The following SCFD1 variants were observed in gnomAD, a reference collection of about 807,000 sequenced individuals.
The protein encoded by SCFD1 is sec1 family domain-containing protein 1.
Under a neutral mutation model 103.2 loss-of-function variants are expected in SCFD1, and 37 were observed. The observed-to-expected ratio is 0.36, with a 90% confidence interval of 0.28 to 0.47. SCFD1 has a LOEUF of 0.47. SCFD1 is among the 20% of genes least tolerant of loss of function. The pLI is 1.00. For synonymous variants in SCFD1, 264 were observed against 245.0 expected (o/e 1.08, Z -0.73); for missense variants, 639 against 761.2 (o/e 0.84, Z 1.89).
In SCFD1 at chr14:30,723,880, A is replaced by G. The variant is rs188620779; in HGVS notation, c.1836+1321A>G. Among the ~76,000 whole-genome samples the G allele has an allele frequency of 1.1e-3, 171 of 152,244 alleles. 1 individual carries two copies. Among genetic ancestry groups the G allele is most frequent in the Non-Finnish European group, 1.6e-3 (111 of 68,006 alleles). ...AACATACCTGTGCATGCATCTTTAT[A>G]ATAGAATGATTTATATTATTTGGGG... is the stretch of plus-strand genomic sequence containing the variant. On this transcript the variant is annotated intron_variant, in intron 23 of 24. Coordinates refer to ENST00000458591, the MANE Select transcript of SCFD1 (RefSeq NM_016106.4).
intron 16 of SCFD1, 141 bp downstream of exon 16, chr14:30,700,399 G>T: frequency 1.5e-6 from 1 of 649,134 alleles, no homozygotes; most frequent in East Asian, 2.7e-5. Context: ...ATGGCCAGGC[G>T]TGGTGACTCA....
At chr14:30,665,633 G>A (rs1338240948) in intron 10 of SCFD1, among the ~76,000 whole-genome samples, 2 of 152,150 alleles carry the variant, frequency 1.3e-5, no homozygotes, top group African/African-American at 4.8e-5. Flanking sequence ...TCAGTGTGCT[G>A]TATTCAGGAG....
intron 23 of SCFD1, among the ~76,000 whole-genome samples, chr14:30,724,072 T>TTAAA (rs764586666): frequency 1.1e-5 from 1 of 91,350 alleles, no homozygotes; most frequent in African/African-American, 5.1e-5. Flanking sequence ...ACCAGTATCT[T>TTAAA]AAAAAAAAAA....
intron 15 of SCFD1, among the ~76,000 whole-genome samples, chr14:30,698,182 G>A (rs75386021): frequency 0.037 from 5,561 of 152,270 alleles, 152 homozygotes; most frequent in East Asian, 0.15. Flanking sequence ...AGATTACTCA[G>A]TAAGGGAATT....
At position 30,675,076 on chromosome 14, in the gene SCFD1, C is replaced by G. The variant is rs757937607; in HGVS notation, c.1242+11C>G. 12 of 1,458,328 alleles carry G rather than the reference C, an allele frequency of 8.2e-6. No individual in the cohort carries two copies. Among genetic ancestry groups the G allele is most frequent in the South Asian group, 1.3e-5 (1 of 78,306 alleles). 90.3% of individuals were successfully genotyped at this position (1,458,328 alleles called of 1,614,324 possible). On this transcript the variant is annotated intron_variant, in intron 14 of 24. Coordinates refer to ENST00000458591, the MANE Select transcript of SCFD1 (RefSeq NM_016106.4). The stretch of plus-strand genomic sequence containing the variant: ...TTAGAACATATAAAGGTAAATTTAA[C>G]TTTTTCCCCCCCACAATATGACTTG...
chr14:30,637,415 C>G (rs1476480183), intron 4 of SCFD1, among the ~76,000 whole-genome samples: 3 of 152,074 alleles, frequency 2.0e-5, no homozygotes, highest in Non-Finnish European at 4.4e-5. Context: ...CTACCCTGAT[C>G]ACCTTCCTCA....
rs571920644 is a variant in SCFD1, at chr14:30,730,429, G to A, written c.1837-4361G>A. ...TCTAGTTCTACATCCTTGAGGAATC[G>A]CCACACTGTCTTCCCCAATGGTTGA... On this transcript the variant is annotated intron_variant, in intron 23 of 24. Transcript: ENST00000458591. Among the ~76,000 whole-genome samples, 8 of 152,240 alleles carry A rather than the reference G, an allele frequency of 5.3e-5. No homozygotes were observed. The South Asian group carries it at 6.2e-4, about 12-fold the overall frequency.
intron 15 of SCFD1, among the ~76,000 whole-genome samples, chr14:30,697,824 G>A (rs946059446): frequency 2.0e-5 from 3 of 152,204 alleles, no homozygotes; most frequent in Non-Finnish European, 4.4e-5. Flanking sequence ...AGGAAAAATG[G>A]AGGAACTGTT....
chr14:30,694,752 C>A, intron 14 of SCFD1, 21 bp from the exon 15 acceptor site: 1 of 1,569,176 alleles, frequency 6.4e-7, no homozygotes, highest in Non-Finnish European at 8.6e-7. Flanking sequence ...ATATTCTCAT[C>A]TAATGTTTAT....
Position 30,675,012 on chromosome 14 carries a change from A to G in SCFD1, c.1189A>G (p.Arg397Gly). The G allele has an allele frequency of 6.3e-7, 1 of 1,587,884 alleles. No homozygotes were observed. The highest frequency in any genetic ancestry group is 8.5e-7 in the Non-Finnish European group (1 of 1,169,600). The change falls in exon 14 of 25, where the codon AGA becomes GGA. Residue 397 changes from arginine to glycine, a missense_variant. Arg to Gly is a moderately radical substitution (Grantham distance 125). Transcript: ENST00000458591. ...TTTGCCAGAACTCCTTGAGAAAAAA[A>G]GACTTATTGATCTCCATACAAATGT... ...SSLPELLEKKRLIDLHTNVAT... is the reference protein window; with the variant it reads ...SSLPELLEKKGLIDLHTNVAT...
chr14:30,733,761 TC>T (rs1487874999), intron 23 of SCFD1, among the ~76,000 whole-genome samples: 20 of 152,352 alleles, frequency 1.3e-4, no homozygotes, highest in Admixed American at 1.2e-3. Flanking sequence ...TCCCTTGGTT[TC>T]TGCAGTTGAG....
At chr14:30,729,869 A>ATT (rs113239037) in intron 23 of SCFD1, among the ~76,000 whole-genome samples, 1 of 146,934 alleles carries the variant, frequency 6.8e-6, no homozygotes, top group Non-Finnish European at 1.5e-5. Flanking sequence ...TACGAAAGGC[A>ATT]TTTTTTTTTT....
intron 1 of SCFD1, among the ~76,000 whole-genome samples, chr14:30,625,481 G>T (rs945090963): frequency 6.6e-6 from 1 of 152,016 alleles, no homozygotes; most frequent in Admixed American, 6.6e-5. Context: ...TAAGAAAAAT[G>T]GTTTGTCATT....
intron 19 of SCFD1, among the ~76,000 whole-genome samples, chr14:30,708,940 TTTTTTACTTTTAA>T (rs1243083289): frequency 1.3e-5 from 2 of 151,494 alleles, no homozygotes; most frequent in Non-Finnish European, 2.9e-5. Context: ...AAAAGATTTG[TTTTTTACTTTTAA>T]TTTTGGAAAT....
At chr14:30,699,656 A>G (rs1780146255) in intron 15 of SCFD1, among the ~76,000 whole-genome samples, 1 of 152,216 alleles carries the variant, frequency 6.6e-6, no homozygotes, top group Non-Finnish European at 1.5e-5. Context: ...AAAAGCCTTC[A>G]GAAACATGTG....
intron 16 of SCFD1, among the ~76,000 whole-genome samples, chr14:30,700,888 T>C (rs983577248): frequency 3.3e-5 from 5 of 152,242 alleles, no homozygotes; most frequent in African/African-American, 1.2e-4. Flanking sequence ...TTTGCTATGC[T>C]TTTTGAAAGG....
In SCFD1 at chr14:30,694,763, T is replaced by G. The variant is rs762247838; in HGVS notation, c.1243-10T>G. On this transcript the variant is annotated splice_polypyrimidine_tract_variant and intron_variant, in intron 14 of 24. Coordinates refer to ENST00000458591, the MANE Select transcript of SCFD1 (RefSeq NM_016106.4). Reference sequence around the variant, plus strand: ...TAATATATTCTCATCTAATGTTTATTTTGAAACAGGCAAGAAAATTGGATG... The same window carrying G: ...TAATATATTCTCATCTAATGTTTATGTTGAAACAGGCAAGAAAATTGGATG... 1 of 1,576,086 alleles carries G rather than the reference T, an allele frequency of 6.3e-7. No homozygotes were observed. Among genetic ancestry groups the G allele is most frequent in the Non-Finnish European group, 8.6e-7 (1 of 1,168,962 alleles).
intron 14 of SCFD1, among the ~76,000 whole-genome samples, chr14:30,690,740 T>C (rs7158698): frequency 0.49 from 72,442 of 148,712 alleles, 20,655 homozygotes; most frequent in African/African-American, 0.79. Context: ...AACCCGGTAC[T>C]TCAGATGGAA....
At chr14:30,649,430 G>A in intron 7 of SCFD1, 98 bp from the exon 8 acceptor site, 1 of 739,288 alleles carries the variant, frequency 1.4e-6, no homozygotes, top group Non-Finnish European at 2.3e-6. Context: ...GAAATTGTAT[G>A]TATCTATCAC....
Sources: gnomAD v4.1 joint callset for allele counts (sites outside exome capture counted in the v4.1 genomes callset) on GRCh38, gnomAD v4.1.1 for gene constraint, MANE v1.5 for transcripts, NCBI Gene and HGNC (gene_info 2026-07-23, HGNC 2026-07-21) for gene names.